The following LRRC46 variants were observed in gnomAD, a reference collection of about 807,000 sequenced individuals.
LRRC46 encodes the protein leucine-rich repeat-containing protein 46.
LRRC46 carries 20 observed loss-of-function variants against 28.0 expected under a neutral mutation model. The ratio of observed to expected loss-of-function variants is 0.71; its 90% CI spans 0.50 to 1.04. The LOEUF (loss-of-function observed/expected upper bound fraction) is 1.04, where lower values mean the gene tolerates loss of function less well. LRRC46 is among the 50% of genes least tolerant of loss of function. The pLI is 0.00. For missense variants in LRRC46, 315 were observed against 390.1 expected (o/e 0.81, Z 1.62); for synonymous variants, 156 against 158.8 (o/e 0.98, Z 0.13).
Position 47,836,808 on chromosome 17 carries a change from G to A in LRRC46, c.654G>A (p.Thr218=), listed in dbSNP as rs768791497. ...GGCACAGGGAGCACCGGCAACAGAC[G>A]GCCCTGACAGAGCACCTGCTGAGGA... is the stretch of plus-strand genomic sequence containing the variant. The part of the protein sequence containing the change: ...LSRHREHRQQ[T]ALTEHLLRME... The change falls in exon 8 of 8, where the codon ACG becomes ACA. Residue 218 remains threonine (T), a synonymous_variant. Transcript: ENST00000269025. The surrounding 1 kb of genome is among the most constrained non-coding windows in gnomAD (Gnocchi z 5.8). 6.8e-6 allele frequency: 11 copies of A among 1,613,808 alleles called. No homozygotes were observed. Among genetic ancestry groups the A allele is most frequent in the Admixed American group, 1.7e-5 (1 of 59,980 alleles).
Position 47,836,607 on chromosome 17 carries a change from C to G in LRRC46, c.595+132C>G, listed in dbSNP as rs541109054. The G allele has an allele frequency of 5.0e-5, 74 of 1,491,506 alleles. No homozygotes were observed. The Middle Eastern group carries it at 2.4e-3, about 49-fold the overall frequency. 92.4% of individuals were successfully genotyped at this position (1,491,506 alleles called of 1,614,324 possible). ...TTCAGATCAACATCTGGGCCAGAGC[C>G]AGGTGTCAGTCCTGGGCCCCAGCCT... On this transcript the variant is annotated intron_variant, in intron 7 of 7. Coordinates refer to ENST00000269025, the MANE Select transcript of LRRC46 (RefSeq NM_033413.4). The surrounding 1 kb of genome is among the most constrained non-coding windows in gnomAD (Gnocchi z 5.8).
chr17:47,836,333 C>T lies in LRRC46; in HGVS notation c.453C>T (p.Arg151=), dbSNP rs777554143. ...GNSCTNQDGY[R]ELVTEALPLL... is the part of the protein sequence containing the mutation. The stretch of plus-strand genomic sequence containing the variant: ...AACCTCTGCTCCTTCTGCTCTGCAG[C>T]GAGCTGGTGACAGAAGCCCTGCCAC... Residue 151 remains arginine (R), a splice_region_variant and synonymous_variant, in exon 7 of 8, where the codon CGC becomes CGT. Transcript: ENST00000269025. The surrounding 1 kb of genome is among the most constrained non-coding windows in gnomAD (Gnocchi z 5.8). 1.4e-5 allele frequency: 23 copies of T among 1,613,566 alleles called. No individual in the cohort carries two copies. Among genetic ancestry groups the T allele is most frequent in the African/African-American group, 9.3e-5 (7 of 74,916 alleles).
rs2143608469 is a variant in LRRC46, at chr17:47,833,876, A to T, written c.117-549A>T. 8 of 972,708 alleles carry T rather than the reference A, an allele frequency of 8.2e-6. No homozygotes were observed. The South Asian group carries it at 1.4e-4, about 17-fold the overall frequency. The allele number at this position is 972,708 out of a possible 1,614,324, so 60.3% of individuals were successfully genotyped here. A position where few individuals can be genotyped will look rare whatever the true frequency, so the allele number is the denominator to read the frequency against. ...AGCGATCCTCCTGCCTCGGCCTCCC[A>T]AAGTGCTGGGAGTACAGGGTAAGCC... is the stretch of plus-strand genomic sequence containing the variant. On this transcript the variant is annotated intron_variant, in intron 2 of 7. Coordinates refer to ENST00000269025, the MANE Select transcript of LRRC46 (RefSeq NM_033413.4).
At position 47,837,033 on chromosome 17, in the gene LRRC46, G is replaced by C; in HGVS notation, c.879G>C (p.Lys293Asn). ...RGHQSSFWGR[K>N]GARAATAPKA... Reference sequence around the variant, plus strand: ...ACCAAAGCTCTTTCTGGGGAAGGAAGGGGGCACGAGCAGCCACAGCCCCCA... The same window carrying C: ...ACCAAAGCTCTTTCTGGGGAAGGAACGGGGCACGAGCAGCCACAGCCCCCA... The change falls in exon 8 of 8, where the codon AAG (lysine) becomes AAC (asparagine). Residue 293 changes from lysine (K) to asparagine (N), a missense_variant. Lys to Asn is a moderately conservative substitution (Grantham distance 94). Transcript: ENST00000269025. 1 of 1,610,548 alleles carries C rather than the reference G, an allele frequency of 6.2e-7. No homozygotes were observed. Among genetic ancestry groups the C allele is most frequent in the Non-Finnish European group, 8.5e-7 (1 of 1,179,156 alleles).
chr17:47,837,174 TCAGACCTCTGACCTGTGA>T lies in LRRC46; in HGVS notation c.*59_*76del. 6.3e-7 allele frequency: 1 copy of T among 1,578,994 alleles called. No homozygotes were observed. Among genetic ancestry groups the T allele is most frequent in the South Asian group, 1.2e-5 (1 of 85,068 alleles). ...AGAGGAGTGGGGCCTGCCCCTCTTC[TCAGACCTCTGACCTGTGA>T]CAGAAGCCCATCCCCAGTAAAGTGT... is the stretch of plus-strand genomic sequence containing the variant. On this transcript the variant is annotated 3_prime_UTR_variant, in exon 8 of 8. Transcript: ENST00000269025.
At position 47,836,895 on chromosome 17, in the gene LRRC46, C is replaced by T. The variant is rs757732493; in HGVS notation, c.741C>T (p.Asp247=). 6.2e-7 allele frequency: 1 copy of T among 1,613,852 alleles called. No individual in the cohort carries two copies. Among genetic ancestry groups the T allele is most frequent in the Non-Finnish European group, 8.5e-7 (1 of 1,179,978 alleles). Residue 247 remains aspartate (D), a synonymous_variant, in exon 8 of 8, where the codon GAC becomes GAT. Coordinates refer to ENST00000269025, the MANE Select transcript of LRRC46 (RefSeq NM_033413.4). The surrounding 1 kb of genome is among the most constrained non-coding windows in gnomAD (Gnocchi z 5.8). ...TACCTGGGGTGCCCATGGCTGGGGACAGCAGCCCTTCTGCCACTCCTGCGC... is the reference window on the plus strand; with the variant it reads ...TACCTGGGGTGCCCATGGCTGGGGATAGCAGCCCTTCTGCCACTCCTGCGC... ...PLLPGVPMAG[D]SSPSATPAQG...
In LRRC46 at chr17:47,831,827, T is replaced by C. The variant is rs1278060766; in HGVS notation, c.-163T>C. The C allele has an allele frequency of 1.1e-6, 1 of 880,624 alleles. No homozygotes were observed. 54.6% of individuals were successfully genotyped at this position (880,624 alleles called of 1,614,324 possible). A position where few individuals can be genotyped will look rare whatever the true frequency, so the allele number is the denominator to read the frequency against. On this transcript the variant is annotated 5_prime_UTR_variant, in exon 1 of 8. Coordinates refer to ENST00000269025, the MANE Select transcript of LRRC46 (RefSeq NM_033413.4). ...CATCAATTTACTGTTTTCTTCGACC[T>C]CACCCCAGCAATTTTCTCTGAATCA...
Position 47,837,701 on chromosome 17 carries a change from G to A in LRRC46, c.*581G>A, listed in dbSNP as rs1598047382. ...TAAAGTTCACTGAAGAGAAAATAAA[G>A]CACATTTATTAAGGCAAAGGCCAAG... On this transcript the variant is annotated 3_prime_UTR_variant, in exon 8 of 8. Transcript: ENST00000269025. The A allele has an allele frequency of 2.4e-5, 24 of 1,005,950 alleles. No individual in the cohort carries two copies. In the East Asian group the frequency reaches 7.1e-4, roughly 30 times the overall value. 62.3% of individuals were successfully genotyped at this position (1,005,950 alleles called of 1,614,324 possible). A position where few individuals can be genotyped will look rare whatever the true frequency, so the allele number is the denominator to read the frequency against.
At position 47,837,254 on chromosome 17, in the gene LRRC46, G is replaced by A. The variant is rs1188592383; in HGVS notation, c.*134G>A. ...GAGTATGCTTTTCATGTCACTTGGG[G>A]TATCTCAGGGGAAGAAACCAGTGAA... On this transcript the variant is annotated 3_prime_UTR_variant, in exon 8 of 8. Coordinates refer to ENST00000269025, the MANE Select transcript of LRRC46 (RefSeq NM_033413.4). 1.6e-5 allele frequency: 20 copies of A among 1,212,560 alleles called. No individual in the cohort carries two copies. In the East Asian group the frequency reaches 3.6e-4, roughly 22 times the overall value. The allele number at this position is 1,212,560 out of a possible 1,614,324, so 75.1% of individuals were successfully genotyped here.
intron 3 of LRRC46, 169 bp downstream of exon 3, chr17:47,834,702 A>G (rs932236090): frequency 6.2e-5 from 33 of 533,090 alleles, no homozygotes; most frequent in Middle Eastern, 6.5e-4. Flanking sequence ...TTGAAAAACT[A>G]ATTCCCTCAA....
intron 2 of LRRC46, among the ~76,000 whole-genome samples, chr17:47,832,685 A>G (rs9894113): frequency 0.026 from 3,894 of 152,308 alleles, 179 homozygotes; most frequent in African/African-American, 0.087. Flanking sequence ...TATTTCTAAA[A>G]CAAACAAAAA....
chr17:47,834,586 G>C, intron 3 of LRRC46, 53 bp downstream of exon 3: 1 of 1,295,524 alleles, frequency 7.7e-7, no homozygotes, highest in Non-Finnish European at 1.1e-6. Context: ...GACCTAATCT[G>C]TCTCATCTGA....
rs776529537 is a variant in LRRC46 at position 47,836,405 on chromosome 17, GGAT to G, written c.528_530del (p.Asp176del). 1.2e-5 allele frequency: 19 copies of G among 1,614,044 alleles called. No homozygotes were observed. The highest frequency in any genetic ancestry group is 1.3e-5 in the African/African-American group (1 of 74,922). ...AGCCTGTGGTGGAGCGCTGGATTTC[GGAT>G]GAGGAGGATGAAGCCTCAAGCGATG... On this transcript the variant is annotated inframe_deletion, in exon 7 of 8. Transcript: ENST00000269025. The surrounding 1 kb of genome is among the most constrained non-coding windows in gnomAD (Gnocchi z 5.8).
In LRRC46 at chr17:47,834,473, G is replaced by T; in HGVS notation, c.165G>T (p.Gly55=). 6.2e-7 allele frequency: 1 copy of T among 1,613,810 alleles called. No homozygotes were observed. Among genetic ancestry groups the T allele is most frequent in the Non-Finnish European group, 8.5e-7 (1 of 1,179,858 alleles). Residue 55 remains glycine (G), a synonymous_variant, in exon 3 of 8, where the codon GGG becomes GGT. Coordinates refer to ENST00000269025, the MANE Select transcript of LRRC46 (RefSeq NM_033413.4). Reference sequence around the variant, plus strand: ...AGACTGTCCGCCTGGACCGGGAGGGGATTACTACTATCAGGAACTTAGAAG... The same window carrying T: ...AGACTGTCCGCCTGGACCGGGAGGGTATTACTACTATCAGGAACTTAGAAG... ...ELQTVRLDRE[G]ITTIRNLEGL...
At position 47,835,398 on chromosome 17, in the gene LRRC46, C is replaced by CACCCT. The variant is rs1567953541; in HGVS notation, c.271_272insACCCT (p.Arg91HisfsTer33). The CACCCT allele has an allele frequency of 6.2e-7, 1 of 1,613,996 alleles. No individual in the cohort carries two copies. The highest frequency in any genetic ancestry group is 8.5e-7 in the Non-Finnish European group (1 of 1,180,006). On this transcript the variant is annotated frameshift_variant and splice_region_variant, in exon 4 of 8. Transcript: ENST00000269025. LOFTEE classifies it high-confidence loss of function. ...GAACCTGGCTTGCATCCCCTCCTTG[C>CACCCT]GGTATGTGGTGCCAGGGCTCAGGCA...
At chr17:47,832,344 G>C in intron 2 of LRRC46, 139 bp downstream of exon 2, 1 of 556,346 alleles carries the variant, frequency 1.8e-6, no homozygotes, top group Non-Finnish European at 3.0e-6. Context: ...ATGCCCAGCT[G>C]ATTTTCCCTT....
chr17:47,835,866 A>G (rs1175247312), intron 5 of LRRC46, 91 bp downstream of exon 5: 8 of 1,342,530 alleles, frequency 6.0e-6, no homozygotes, highest in African/African-American at 2.9e-5. Context: ...TCTATTAGCC[A>G]TGCCCCTGCA....
chr17:47,835,611 C>T lies in LRRC46; in HGVS notation c.273-55C>T. The T allele has an allele frequency of 1.9e-6, 3 of 1,566,766 alleles. No individual in the cohort carries two copies. In the South Asian group the frequency reaches 3.3e-5, roughly 17 times the overall value. Reference sequence around the variant, plus strand: ...CCGGTGTCAGGTGCCCTCCTCTTTTCTTCCAGCTGTTCCATGATTCAGCTC... The same window carrying T: ...CCGGTGTCAGGTGCCCTCCTCTTTTTTTCCAGCTGTTCCATGATTCAGCTC... On this transcript the variant is annotated intron_variant, in intron 4 of 7. Coordinates refer to ENST00000269025, the MANE Select transcript of LRRC46 (RefSeq NM_033413.4).
intron 2 of LRRC46, among the ~76,000 whole-genome samples, chr17:47,833,266 T>C (rs992388825): frequency 1.3e-5 from 2 of 152,140 alleles, no homozygotes; most frequent in African/African-American, 4.8e-5. Context: ...GCACAGCCTA[T>C]GTACTCCCTT....
Sources: allele counts gnomAD v4.1 joint callset (sites outside exome capture counted in the v4.1 genomes callset), GRCh38; gene constraint gnomAD v4.1.1; non-coding constraint Gnocchi (gnomAD v3.1); transcripts MANE v1.5; gene names NCBI Gene and HGNC (gene_info 2026-07-23, HGNC 2026-07-21).